The following PREX2 variants were observed in gnomAD, a reference collection of about 807,000 sequenced individuals.
The protein encoded by PREX2 is phosphatidylinositol 3,4,5-trisphosphate-dependent Rac exchanger 2 protein.
A neutral mutation model predicts 203.2 loss-of-function variants in PREX2; 107 were observed. That is an observed-to-expected ratio of 0.53 (90% confidence interval 0.45 to 0.62). The LOEUF (loss-of-function observed/expected upper bound fraction) is 0.62, where lower values mean the gene tolerates loss of function less well. PREX2 is among the 20% of genes least tolerant of loss of function. PREX2 has a pLI of 0.00. For synonymous variants in PREX2, 672 were observed against 663.6 expected, an observed-to-expected ratio of 1.01 and a Z score of -0.19; for missense variants, 1,777 against 1,955.9, an observed-to-expected ratio of 0.91 and a Z score of 1.72.
intron 1 of PREX2, among the ~76,000 whole-genome samples, chr8:67,993,908 A>G (rs903631524): frequency 6.6e-6 from 1 of 152,174 alleles, no homozygotes; most frequent in African/African-American, 2.4e-5. Context: ...TTGATCTAGG[A>G]TTCGAAGGAT....
intron 9 of PREX2, among the ~76,000 whole-genome samples, chr8:68,055,551 G>A (rs1309550835): frequency 1.3e-5 from 2 of 152,118 alleles, no homozygotes; most frequent in Admixed American, 6.5e-5. Flanking sequence ...GGGCTCAATG[G>A]AAGCTGAGAC....
intron 33 of PREX2, among the ~76,000 whole-genome samples, chr8:68,145,372 C>G (rs777968229): frequency 6.2e-4 from 94 of 152,182 alleles, no homozygotes; most frequent in Non-Finnish European, 9.0e-4. Context: ...TCATAAATGC[C>G]ATTTAACCTT....
chr8:68,177,164 C>T (rs1173633401), intron 35 of PREX2: 2 of 152,378 alleles, frequency 1.3e-5, no homozygotes, highest in Admixed American at 6.6e-5. Flanking sequence ...TGAAAAGTAT[C>T]ACAGTCAGGT....
At chr8:68,118,354 C>CCA (rs1810701146) in intron 26 of PREX2, among the ~76,000 whole-genome samples, 196 bp from the exon 27 acceptor site, 1 of 140,388 alleles carries the variant, frequency 7.1e-6, no homozygotes, top group African/African-American at 2.8e-5. Context: ...AACTCCGTCT[C>CCA]CAAAAAAAAA....
intron 35 of PREX2, among the ~76,000 whole-genome samples, chr8:68,169,025 G>A (rs1048655241): frequency 8.6e-5 from 13 of 151,940 alleles, no homozygotes; most frequent in South Asian, 2.1e-4. Context: ...GACTTGGCTC[G>A]TCTAACAGAG....
intron 31 of PREX2, among the ~76,000 whole-genome samples, chr8:68,129,862 A>G (rs1387751663): frequency 7.0e-6 from 1 of 142,936 alleles, no homozygotes; most frequent in African/African-American, 2.7e-5. Context: ...AATAATAAAA[A>G]TCTTACTCTA....
chr8:68,017,939 T>G, intron 2 of PREX2, 22 bp downstream of exon 2: 1 of 1,596,746 alleles, frequency 6.3e-7, no homozygotes, highest in African/African-American at 1.3e-5. Context: ...CAACTGGCCT[T>G]CAACCTGAGC....
intron 37 of PREX2, among the ~76,000 whole-genome samples, chr8:68,215,783 C>T (rs1019737988): frequency 5.5e-4 from 83 of 152,158 alleles, no homozygotes; most frequent in African/African-American, 2.0e-3. Flanking sequence ...GTGATCCGCC[C>T]GCCTCGGCCT....
intron 1 of PREX2, among the ~76,000 whole-genome samples, chr8:67,974,839 C>A (rs773097458): frequency 6.6e-5 from 10 of 152,086 alleles, no homozygotes; most frequent in Non-Finnish European, 1.5e-4. Flanking sequence ...AGTTTTATTA[C>A]CTTCTTCATG....
chr8:68,045,421 C>G (rs1289474351), intron 8 of PREX2, among the ~76,000 whole-genome samples: 2 of 152,074 alleles, frequency 1.3e-5, no homozygotes, highest in African/African-American at 4.8e-5. Flanking sequence ...CCCTCCACCT[C>G]TCACATACCT....
chr8:68,069,743 A>G, intron 12 of PREX2, 92 bp from the exon 13 acceptor site: 1 of 624,962 alleles, frequency 1.6e-6, no homozygotes. Context: ...ATTCTAAAAT[A>G]TTGACAGTGA....
Position 67,952,279 on chromosome 8 carries a change from C to T in PREX2, c.-116C>T, listed in dbSNP as rs931935902. The stretch of plus-strand genomic sequence containing the variant: ...GCATGTAAAGTCTTCTGTCTCTCCT[C>T]GGAGTTGGCGGAGGCGGCAACTTTC... On this transcript the variant is annotated 5_prime_UTR_variant, in exon 1 of 40. Transcript: ENST00000288368. The T allele has an allele frequency of 1.3e-5, 11 of 825,952 alleles. No individual in the cohort carries two copies. The highest frequency in any genetic ancestry group is 4.5e-5 in the Admixed American group (1 of 22,466). The allele number at this position is 825,952 out of a possible 1,614,324, so 51.2% of individuals were successfully genotyped here.
intron 37 of PREX2, among the ~76,000 whole-genome samples, chr8:68,214,742 C>T (rs1268206820): frequency 6.6e-6 from 1 of 152,152 alleles, no homozygotes; most frequent in East Asian, 1.9e-4. Flanking sequence ...TCCTGAGAGG[C>T]TTTCTTTCGC....
At chr8:68,205,815 A>C (rs1343795127) in intron 37 of PREX2, among the ~76,000 whole-genome samples, 1 of 152,244 alleles carries the variant, frequency 6.6e-6, no homozygotes, top group Non-Finnish European at 1.5e-5. Flanking sequence ...GCAAATCTTT[A>C]GTCAAGAAGG....
intron 35 of PREX2, among the ~76,000 whole-genome samples, chr8:68,174,874 C>T (rs757616859): frequency 4.0e-4 from 61 of 152,158 alleles, no homozygotes; most frequent in African/African-American, 1.3e-3. Context: ...ACTTAGCAGA[C>T]GGGTCTTCCT....
intron 1 of PREX2, among the ~76,000 whole-genome samples, chr8:67,980,469 A>G (rs891023697): frequency 7.6e-6 from 1 of 132,072 alleles, no homozygotes; most frequent in African/African-American, 2.6e-5. Context: ...GGCCGGCAAC[A>G]TGTTCTCAGA....
intron 1 of PREX2, among the ~76,000 whole-genome samples, chr8:68,001,262 T>G (rs998311316): frequency 7.9e-5 from 12 of 151,846 alleles, no homozygotes; most frequent in Non-Finnish European, 1.0e-4. Context: ...AACAAACCCA[T>G]TAAAAACTGG....
At chr8:68,013,423 C>T (rs1312118897) in intron 1 of PREX2, among the ~76,000 whole-genome samples, 1 of 152,178 alleles carries the variant, frequency 6.6e-6, no homozygotes, top group Non-Finnish European at 1.5e-5. Context: ...ATGATTTCCA[C>T]ACTGGTGCCC....
At chr8:68,057,017 G>C (rs940962475) in intron 10 of PREX2, among the ~76,000 whole-genome samples, 2 of 152,068 alleles carry the variant, frequency 1.3e-5, no homozygotes, top group Non-Finnish European at 2.9e-5. Context: ...ATATGGTTTG[G>C]CTGTGTCCCC....
Sources: gnomAD v4.1 joint callset for allele counts (sites outside exome capture counted in the v4.1 genomes callset) on GRCh38, gnomAD v4.1.1 for gene constraint, MANE v1.5 for transcripts, NCBI Gene and HGNC (gene_info 2026-07-23, HGNC 2026-07-21) for gene names.